The following TSPAN2 variants were observed in gnomAD, a reference collection of about 807,000 sequenced individuals.
TSPAN2 encodes tetraspanin 2.
TSPAN2 carries 24 observed loss-of-function variants against 33.3 expected under a neutral mutation model. The observed-to-expected ratio is 0.72, with a 90% CI of 0.52 to 1.01. The LOEUF is 1.01. Ranked by LOEUF, TSPAN2 falls within the 50% of genes least tolerant of loss-of-function variation. TSPAN2 has a pLI of 0.00. For synonymous variants in TSPAN2, 114 were observed against 104.5 expected (o/e 1.09, Z -0.56); for missense variants, 278 against 281.3 (o/e 0.99, Z 0.08).
chr1:115,075,156 A>G (rs1363284215), intron 1 of TSPAN2, among the ~76,000 whole-genome samples: 1 of 152,170 alleles, frequency 6.6e-6, no homozygotes, highest in Non-Finnish European at 1.5e-5. Flanking sequence ...TCCCAGACAG[A>G]ATACATTTGT....
chr1:115,075,112 A>G (rs1570980550), intron 1 of TSPAN2, among the ~76,000 whole-genome samples: 3 of 152,342 alleles, frequency 2.0e-5, no homozygotes, highest in South Asian at 4.1e-4. Context: ...ATCTCTGTAC[A>G]CAAACTCTAA....
chr1:115,076,642 CATT>C (rs199894085), intron 1 of TSPAN2, among the ~76,000 whole-genome samples: 13 of 152,318 alleles, frequency 8.5e-5, no homozygotes, highest in East Asian at 1.9e-4. Flanking sequence ...CAACTAGAAA[CATT>C]GTTGTTTTTC....
intron 2 of TSPAN2, among the ~76,000 whole-genome samples, chr1:115,071,104 T>C (rs1210271415): frequency 1.3e-5 from 2 of 152,118 alleles, no homozygotes; most frequent in Non-Finnish European, 2.9e-5. Flanking sequence ...ATCCCAATCT[T>C]GTCCAAGTGT....
At chr1:115,056,273 T>A (rs757358158) in intron 6 of TSPAN2, among the ~76,000 whole-genome samples, 13 of 152,212 alleles carry the variant, frequency 8.5e-5, no homozygotes, top group Non-Finnish European at 1.6e-4. Context: ...ACTTTGACTT[T>A]TGTAAACTTT....
In TSPAN2 at chr1:115,051,049, C is replaced by A. The variant is rs1375965713; in HGVS notation, c.601-494G>T. Among the ~76,000 whole-genome samples, 4 of 152,280 alleles carry A rather than the reference C, an allele frequency of 2.6e-5. No homozygotes were observed. The East Asian group carries it at 7.7e-4, about 29-fold the overall frequency. On this transcript the variant is annotated intron_variant, in intron 7 of 7. Transcript: ENST00000369516. The stretch of plus-strand genomic sequence containing the variant: ...TATCAGCTGGGTGCAGTGGCTCATG[C>A]CTGCAATCCCAGCACTTTGGGAGGC...
chr1:115,073,868 G>C (rs1648290790), intron 1 of TSPAN2, among the ~76,000 whole-genome samples: 1 of 151,982 alleles, frequency 6.6e-6, no homozygotes, highest in Non-Finnish European at 1.5e-5. Context: ...TTGGAAGTTG[G>C]AAGCCCTTTC....
chr1:115,053,607 A>T, intron 6 of TSPAN2, 145 bp from the exon 7 acceptor site: 1 of 709,020 alleles, frequency 1.4e-6, no homozygotes, highest in Non-Finnish European at 2.3e-6. Context: ...TTCATCTTTG[A>T]TAACATCATC....
At chr1:115,069,180 G>A (rs189843704) in intron 2 of TSPAN2, among the ~76,000 whole-genome samples, 170 of 152,350 alleles carry the variant, frequency 1.1e-3, no homozygotes, top group Non-Finnish European at 4.0e-4. Flanking sequence ...ATCATGCCCT[G>A]TGACACCAAG....
Position 115,049,220 on chromosome 1 carries a change from A to G in TSPAN2, c.*1270T>C. The stretch of plus-strand genomic sequence containing the variant: ...AAAATGAAGCGTTAAGACCAAAAAA[A>G]CATTGAAAATTTTATTTTCACAGGG... On this transcript the variant is annotated 3_prime_UTR_variant, in exon 8 of 8. Transcript: ENST00000369516. 1 of 152,280 alleles carries G rather than the reference A, an allele frequency of 6.6e-6. No homozygotes were observed. 9.4% of individuals were successfully genotyped at this position (152,280 alleles called of 1,614,324 possible).
At chr1:115,054,304 C>A (rs1393431548) in intron 6 of TSPAN2, among the ~76,000 whole-genome samples, 2 of 152,184 alleles carry the variant, frequency 1.3e-5, no homozygotes, top group Admixed American at 1.3e-4. Flanking sequence ...CTTCTCTCTT[C>A]GTATTTCCTA....
At chr1:115,072,393 T>C (rs1382320802) in intron 2 of TSPAN2, among the ~76,000 whole-genome samples, 1 of 152,142 alleles carries the variant, frequency 6.6e-6, no homozygotes, top group Non-Finnish European at 1.5e-5. Context: ...GAGACTGAGA[T>C]TAGCACCTTC....
rs10776795 is a variant in TSPAN2 at position 115,062,177 on chromosome 1, C to T, written c.228G>A (p.Gly76=). ...GCGACTCCCGCATGGCTCCGCAGCA[C>T]CCGAAGAACCCCACGGCCATCATCA... The part of the protein sequence containing the change: ...GALMMAVGFF[G]CCGAMRESQC... The change falls in exon 3 of 8, where the codon GGG becomes GGA. Residue 76 remains glycine, a synonymous_variant. Coordinates refer to ENST00000369516, the MANE Select transcript of TSPAN2 (RefSeq NM_005725.6). The T allele has an allele frequency of 0.3, 479,182 of 1,598,878 alleles. 73,672 individuals are homozygous for T. Among genetic ancestry groups the T allele is most frequent in the East Asian group, 0.45 (19,929 of 44,094 alleles).
intron 2 of TSPAN2, among the ~76,000 whole-genome samples, chr1:115,064,099 C>A (rs1487177016): frequency 1.3e-5 from 2 of 152,092 alleles, no homozygotes; most frequent in Non-Finnish European, 2.9e-5. Context: ...GTTTTCAAAG[C>A]TCTCACTTCC....
Position 115,048,134 on chromosome 1 carries a change from G to A in TSPAN2, c.*2356C>T, listed in dbSNP as rs1269318838. The A allele has an allele frequency of 1.3e-5, 2 of 151,098 alleles. No individual in the cohort carries two copies. The highest frequency in any genetic ancestry group is 2.4e-5 in the African/African-American group (1 of 41,190). 9.4% of individuals were successfully genotyped at this position (151,098 alleles called of 1,614,324 possible). A position where few individuals can be genotyped will look rare whatever the true frequency, so the allele number is the denominator to read the frequency against. On this transcript the variant is annotated 3_prime_UTR_variant, in exon 8 of 8. Coordinates refer to ENST00000369516, the MANE Select transcript of TSPAN2 (RefSeq NM_005725.6). ...TTGGGTCTAATCTCAAATTAGTTCA[G>A]GGGAACAGAAATAGCTGAAAATTTA...
At chr1:115,078,856 A>G (rs1648513633) in intron 1 of TSPAN2, among the ~76,000 whole-genome samples, 1 of 152,254 alleles carries the variant, frequency 6.6e-6, no homozygotes, top group African/African-American at 2.4e-5. Context: ...AATACTTCAC[A>G]AAGTGCTATT....
chr1:115,064,906 TC>T (rs1272791507), intron 2 of TSPAN2, among the ~76,000 whole-genome samples: 6 of 152,150 alleles, frequency 3.9e-5, no homozygotes, highest in African/African-American at 1.4e-4. Context: ...CCAGAGTTGT[TC>T]CCCACTGTAA....
At chr1:115,085,719 T>G (rs1223512021) in intron 1 of TSPAN2, among the ~76,000 whole-genome samples, 3 of 152,106 alleles carry the variant, frequency 2.0e-5, no homozygotes, top group Non-Finnish European at 2.9e-5. Context: ...TCAGGTTCCC[T>G]CAGTTACAGT....
intron 2 of TSPAN2, among the ~76,000 whole-genome samples, chr1:115,063,822 G>A (rs146838014): frequency 8.7e-4 from 133 of 152,216 alleles, no homozygotes; most frequent in African/African-American, 3.1e-3. Context: ...ATCAAATACC[G>A]CATGTTCTCA....
At chr1:115,058,616 C>T (rs1557877107) in intron 5 of TSPAN2, among the ~76,000 whole-genome samples, 1 of 152,206 alleles carries the variant, frequency 6.6e-6, no homozygotes, top group Non-Finnish European at 1.5e-5. Context: ...TCTCTGTAAC[C>T]TTGTTTGTGC....
Sources: gnomAD v4.1 joint callset for allele counts (sites outside exome capture counted in the v4.1 genomes callset) on GRCh38, gnomAD v4.1.1 for gene constraint, MANE v1.5 for transcripts, NCBI Gene and HGNC (gene_info 2026-07-23, HGNC 2026-07-21) for gene names.